Variants in CSMD1 observed in about 807,000 individuals in gnomAD.
CSMD1 encodes CUB and Sushi multiple domains 1, also known as CUB and sushi domain-containing protein 1.
Under a neutral mutation model 417.5 loss-of-function variants are expected in CSMD1, and 213 were observed. The ratio of observed to expected loss-of-function variants is 0.51; its 90% CI spans 0.46 to 0.57. CSMD1 has a LOEUF of 0.57. CSMD1 is among the 20% of genes least tolerant of loss of function. The pLI is 0.00. For synonymous variants in CSMD1, 2,862 were observed against 1,736.8 expected (o/e 1.65, Z -16.11); for missense variants, 6,923 against 4,529.7 (o/e 1.53, Z -15.17).
At chr8:3,703,278 T>G (rs1238706950) in intron 7 of CSMD1, among the ~76,000 whole-genome samples, 3 of 152,164 alleles carry the variant, frequency 2.0e-5, no homozygotes, top group Non-Finnish European at 2.9e-5. Context: ...ATGTTAATGA[T>G]GAAATGAATT....
At chr8:3,338,969 A>C (rs1807461600) in intron 23 of CSMD1, among the ~76,000 whole-genome samples, 1 of 144,788 alleles carries the variant, frequency 6.9e-6, no homozygotes, top group African/African-American at 2.6e-5. Flanking sequence ...ATATCTCCCG[A>C]TGCTCTCCCT....
At chr8:3,433,207 G>C (rs922291931) in intron 12 of CSMD1, among the ~76,000 whole-genome samples, 2 of 152,168 alleles carry the variant, frequency 1.3e-5, no homozygotes, top group African/African-American at 2.4e-5. Context: ...AACTTTTGTG[G>C]AACTACAGTT....
At chr8:3,132,970 G>C (rs552709675) in intron 41 of CSMD1, among the ~76,000 whole-genome samples, 12 of 152,328 alleles carry the variant, frequency 7.9e-5, no homozygotes, top group Non-Finnish European at 1.3e-4. Flanking sequence ...GGCTGAGGGT[G>C]CCGCTCCGTT....
intron 1 of CSMD1, among the ~76,000 whole-genome samples, chr8:4,675,228 TA>T (rs1411465632): frequency 2.6e-5 from 4 of 152,206 alleles, no homozygotes; most frequent in African/African-American, 9.6e-5. Flanking sequence ...CCAATACTTA[TA>T]CACCATGCAG....
intron 5 of CSMD1, among the ~76,000 whole-genome samples, chr8:3,869,304 C>G (rs1048289080): frequency 6.6e-6 from 1 of 152,194 alleles, no homozygotes; most frequent in Non-Finnish European, 1.5e-5. Flanking sequence ...TTCTCTGCTT[C>G]ATTTCTCTCC....
At chr8:3,658,802 A>C (rs17066833) in intron 7 of CSMD1, among the ~76,000 whole-genome samples, 6,574 of 152,264 alleles carry the variant, frequency 0.043, 145 homozygotes, top group Middle Eastern at 0.092. Context: ...AAATAAAAAT[A>C]AAGTCTTCCA....
chr8:4,073,510 G>T (rs113419820), intron 3 of CSMD1, among the ~76,000 whole-genome samples: 1 of 152,180 alleles, frequency 6.6e-6, no homozygotes, highest in African/African-American at 2.4e-5. Context: ...TTCTTTCAGA[G>T]GACCTGGGAT....
chr8:4,251,892 G>GC, intron 3 of CSMD1, among the ~76,000 whole-genome samples: 1 of 149,922 alleles, frequency 6.7e-6, no homozygotes, highest in African/African-American at 2.5e-5. Flanking sequence ...GGGGAAGGGA[G>GC]GGGAGGGGAG....
At chr8:3,700,035 A>G (rs1363089253) in intron 7 of CSMD1, among the ~76,000 whole-genome samples, 2 of 152,222 alleles carry the variant, frequency 1.3e-5, no homozygotes. Context: ...TTCTTAGTAG[A>G]GATCAGAGAA....
chr8:3,575,847 T>G (rs1017486092), intron 9 of CSMD1, among the ~76,000 whole-genome samples: 5 of 67,984 alleles, frequency 7.4e-5, no homozygotes, highest in African/African-American at 1.7e-4. Flanking sequence ...GAAAGGAGTT[T>G]TTTTTTTTTT....
At chr8:4,939,634 G>A (rs995604581) in intron 1 of CSMD1, among the ~76,000 whole-genome samples, 5 of 152,168 alleles carry the variant, frequency 3.3e-5, no homozygotes, top group African/African-American at 4.8e-5. Context: ...CATTAACAAG[G>A]GCTGGGGGTG....
At chr8:4,899,373 A>G (rs1039468543) in intron 1 of CSMD1, among the ~76,000 whole-genome samples, 4 of 152,226 alleles carry the variant, frequency 2.6e-5, no homozygotes, top group African/African-American at 9.6e-5. Flanking sequence ...TAAAGATGAA[A>G]TATACTGAGG....
chr8:4,580,004 A>T (rs1017177138), intron 2 of CSMD1, among the ~76,000 whole-genome samples: 23 of 152,142 alleles, frequency 1.5e-4, no homozygotes, highest in African/African-American at 5.1e-4. Flanking sequence ...TACCATTTCC[A>T]TGTGAACTGT....
At chr8:3,270,484 A>G (rs1258672970) in intron 26 of CSMD1, among the ~76,000 whole-genome samples, 1 of 152,248 alleles carries the variant, frequency 6.6e-6, no homozygotes, top group African/African-American at 2.4e-5. Flanking sequence ...TTAAAAAATG[A>G]CCATTGAACT....
intron 5 of CSMD1, among the ~76,000 whole-genome samples, chr8:3,880,531 T>G (rs191996146): frequency 6.6e-6 from 1 of 152,336 alleles, no homozygotes; most frequent in East Asian, 1.9e-4. Flanking sequence ...CCACGTAGTT[T>G]ATTTTACTAA....
intron 5 of CSMD1, among the ~76,000 whole-genome samples, chr8:3,986,722 G>C (rs994598434): frequency 2.0e-5 from 3 of 151,930 alleles, no homozygotes; most frequent in African/African-American, 2.4e-5. Context: ...TCATGTTTCA[G>C]TTTTGCTCAA....
Position 4,019,901 on chromosome 8 carries a change from A to G in CSMD1, c.610+12004T>C, listed in dbSNP as rs1220064716. On this transcript the variant is annotated intron_variant, in intron 4 of 69. Transcript: ENST00000635120. Reference sequence around the variant, plus strand: ...CTGCTAGTTTCTTATTCTAAAGAATAGCAGTAATTCATTAAAAAAAAAAAA... The same window carrying G: ...CTGCTAGTTTCTTATTCTAAAGAATGGCAGTAATTCATTAAAAAAAAAAAA... Among the ~76,000 whole-genome samples the G allele has an allele frequency of 5.0e-5, 7 of 139,076 alleles. No homozygotes were observed. The East Asian group carries it at 1.5e-3, about 31-fold the overall frequency. 91.2% of individuals were successfully genotyped at this position (139,076 alleles called of 152,430 possible). A position where few individuals can be genotyped will look rare whatever the true frequency, so the allele number is the denominator to read the frequency against.
chr8:4,859,617 C>T (rs1802009306), intron 1 of CSMD1, among the ~76,000 whole-genome samples: 1 of 152,068 alleles, frequency 6.6e-6, no homozygotes, highest in Admixed American at 6.5e-5. Flanking sequence ...ACAGACACTT[C>T]TCAAAAGAAG....
At chr8:4,002,290 C>T (rs73182011) in intron 4 of CSMD1, among the ~76,000 whole-genome samples, 18,820 of 152,038 alleles carry the variant, frequency 0.12, 1,261 homozygotes, top group East Asian at 0.2. Context: ...TGCTATAGTG[C>T]TGTAAGTACT....
Sources: allele counts gnomAD v4.1 joint callset (sites outside exome capture counted in the v4.1 genomes callset), GRCh38; gene constraint gnomAD v4.1.1; transcripts MANE v1.5; gene names NCBI Gene and HGNC (gene_info 2026-07-23, HGNC 2026-07-21).